CAD: variants seen among roughly 807,000 people sequenced by gnomAD.
The protein encoded by CAD is carbamoyl-phosphate synthetase 2, aspartate transcarbamylase, and dihydroorotase.
In CAD, 81 loss-of-function variants were observed where a neutral mutation model predicts 237.2. That is an observed-to-expected ratio of 0.34 (90% CI 0.29 to 0.41). The LOEUF is 0.41. Among genes scored for constraint, CAD ranks in the 10% least tolerant of loss-of-function variants. The pLI is 1.00. For missense variants in CAD, 2,181 were observed against 2,951.7 expected, an observed-to-expected ratio of 0.74 and a Z score of 6.05; for synonymous variants, 1,196 against 1,162.8, an observed-to-expected ratio of 1.03 and a Z score of -0.58.
At position 27,224,852 on chromosome 2, in the gene CAD, C is replaced by T. The variant is rs535714254; in HGVS notation, c.1362C>T (p.Pro454=). The T allele has an allele frequency of 1.9e-6, 3 of 1,614,184 alleles. No homozygotes were observed. The South Asian group carries it at 3.3e-5, about 18-fold the overall frequency. ...QGLADKVYFL[P]ITPHYVTQVI... ...TGGCCGACAAGGTCTATTTTCTTCCCATAACACCTCATTATGTAACCCAGG... is the reference window on the plus strand; with the variant it reads ...TGGCCGACAAGGTCTATTTTCTTCCTATAACACCTCATTATGTAACCCAGG... The change falls in exon 10 of 44, where the codon CCC becomes CCT. Residue 454 remains proline, a synonymous_variant. Coordinates refer to ENST00000264705, the MANE Select transcript of CAD (RefSeq NM_004341.5).
chr2:27,219,358 T>TTG (rs397822034), intron 2 of CAD, among the ~76,000 whole-genome samples: 5 of 152,080 alleles, frequency 3.3e-5, no homozygotes, highest in African/African-American at 1.2e-4. Flanking sequence ...GTTTTTTTTT[T>TTG]GGGGACAAGG....
rs762103667 is a variant in CAD at position 27,239,003 on chromosome 2, G to A, written c.5063-39G>A. On this transcript the variant is annotated intron_variant, in intron 31 of 43. Transcript: ENST00000264705. The surrounding 1 kb of genome is among the most constrained non-coding windows in gnomAD (Gnocchi z 4.0). Reference sequence around the variant, plus strand: ...GTGTGAGTGACTTCCTAGACATGGAGGTGATTGGTCCTGAGGGTAATGGCT... The same window carrying A: ...GTGTGAGTGACTTCCTAGACATGGAAGTGATTGGTCCTGAGGGTAATGGCT... 20 of 1,512,188 alleles carry A rather than the reference G, an allele frequency of 1.3e-5. No homozygotes were observed. The East Asian group carries it at 3.4e-4, about 26-fold the overall frequency. The allele number at this position is 1,512,188 out of a possible 1,614,324, so 93.7% of individuals were successfully genotyped here.
Position 27,234,820 on chromosome 2 carries a change from A to G in CAD, c.3786+135A>G, listed in dbSNP as rs545542006. 8.4e-6 allele frequency: 7 copies of G among 837,682 alleles called. No individual in the cohort carries two copies. In the East Asian group the frequency reaches 1.9e-4, roughly 22 times the overall value. The allele number at this position is 837,682 out of a possible 1,614,324, so 51.9% of individuals were successfully genotyped here. ...GGATCGTGGGGGTAATGAGGTGGTCATTGTCCCTTAAGAGCTTACTTTATG... is the reference window on the plus strand; with the variant it reads ...GGATCGTGGGGGTAATGAGGTGGTCGTTGTCCCTTAAGAGCTTACTTTATG... On this transcript the variant is annotated intron_variant, in intron 23 of 43. Coordinates refer to ENST00000264705, the MANE Select transcript of CAD (RefSeq NM_004341.5).
chr2:27,238,733 C>T, intron 31 of CAD, 101 bp downstream of exon 31: 2 of 1,132,534 alleles, frequency 1.8e-6, no homozygotes, highest in Non-Finnish European at 2.5e-6. Context: ...TCTACTAGGA[C>T]AGGGTCTTGA....
chr2:27,223,792 G>A (rs370365857), intron 7 of CAD, 44 bp downstream of exon 7: 55 of 1,603,156 alleles, frequency 3.4e-5, no homozygotes, highest in Non-Finnish European at 4.5e-5. Flanking sequence ...AAGCCCTGTG[G>A]GCCTTGATGA....
At chr2:27,221,116 A>G in intron 2 of CAD, 102 bp from the exon 3 acceptor site, 1 of 1,005,838 alleles carries the variant, frequency 9.9e-7, no homozygotes, top group Non-Finnish European at 1.4e-6. Flanking sequence ...ATTGAAGGCC[A>G]TTCAATGTGG....
chr2:27,227,948 A>G (rs1404513657), intron 15 of CAD, among the ~76,000 whole-genome samples: 3 of 152,236 alleles, frequency 2.0e-5, no homozygotes, highest in Admixed American at 2.0e-4. Flanking sequence ...GACTGCATAC[A>G]TTTCTAGGCA....
Position 27,233,999 on chromosome 2 carries a change from C to G in CAD, c.3400-9C>G. The stretch of plus-strand genomic sequence containing the variant: ...GCCCTATGTCCCACTGTCTGTGTCC[C>G]CCCGCTAGGAGATTGACGTGGATGC... On this transcript the variant is annotated splice_polypyrimidine_tract_variant and intron_variant, in intron 21 of 43. Transcript: ENST00000264705. The surrounding 1 kb of genome is among the most constrained non-coding windows in gnomAD (Gnocchi z 6.3). The G allele has an allele frequency of 6.2e-7, 1 of 1,612,386 alleles. No individual in the cohort carries two copies. Among genetic ancestry groups the G allele is most frequent in the East Asian group, 2.2e-5 (1 of 44,836 alleles).
rs147722428 is a variant in CAD, at chr2:27,226,272, G to T, written c.1984G>T (p.Val662Phe). 6.2e-7 allele frequency: 1 copy of T among 1,614,112 alleles called. No individual in the cohort carries two copies. Among genetic ancestry groups the T allele is most frequent in the Non-Finnish European group, 8.5e-7 (1 of 1,180,042 alleles). ...AIKVTQHLGIVGECNVQYALN... is the reference protein window; with the variant it reads ...AIKVTQHLGIFGECNVQYALN... ...CAAGGTGACCCAGCACCTGGGAATT[G>T]TTGGGGAGTGCAATGTGCAGTATGC... The change falls in exon 13 of 44, where the codon GTT becomes TTT. Residue 662 changes from valine to phenylalanine, a missense_variant. Physicochemically the swap from Val to Phe is conservative, Grantham distance 50. Coordinates refer to ENST00000264705, the MANE Select transcript of CAD (RefSeq NM_004341.5).
At position 27,217,402 on chromosome 2, in the gene CAD, C is replaced by A; in HGVS notation, c.-150C>A. 1 of 718,320 alleles carries A rather than the reference C, an allele frequency of 1.4e-6. No individual in the cohort carries two copies. Among genetic ancestry groups the A allele is most frequent in the Non-Finnish European group, 2.5e-6 (1 of 405,756 alleles). 44.5% of individuals were successfully genotyped at this position (718,320 alleles called of 1,614,324 possible). The stretch of plus-strand genomic sequence containing the variant: ...CTGCTGCCGCCAAGCGCGCCCGAGG[C>A]TCCTACGCTGCCGCGCCCGGCTTCT... On this transcript the variant is annotated 5_prime_UTR_variant, in exon 1 of 44. Coordinates refer to ENST00000264705, the MANE Select transcript of CAD (RefSeq NM_004341.5).
chr2:27,226,923 C>T lies in CAD; in HGVS notation c.2248C>T (p.Arg750Ter), dbSNP rs1241373335. 6.2e-7 allele frequency: 1 copy of T among 1,613,926 alleles called. No individual in the cohort carries two copies. The highest frequency in any genetic ancestry group is 8.5e-7 in the Non-Finnish European group (1 of 1,179,928). The change falls in exon 15 of 44, where the codon CGA (arginine) becomes TGA (stop). Residue 750 changes from arginine (R) to a stop codon, truncating the protein, a stop_gained. Transcript: ENST00000264705. LOFTEE classifies it high-confidence loss of function. Reference protein sequence around the residue: ...IPRWDLSKFLRVSTKIGSCMK... With the variant: ...IPRWDLSKFL ...TCGATGGGACCTTAGCAAGTTCCTG[C>T]GAGTCAGCACAAAGATTGGGAGCTG...
At chr2:27,234,382 C>T in intron 22 of CAD, 136 bp from the exon 23 acceptor site, 1 of 1,122,670 alleles carries the variant, frequency 8.9e-7, no homozygotes, top group Admixed American at 1.8e-5. Context: ...GGTGTTGGGG[C>T]TTATGACAGT....
Position 27,224,342 on chromosome 2 carries a change from C to T in CAD, c.1109-3C>T. On this transcript the variant is annotated splice_polypyrimidine_tract_variant and splice_region_variant and intron_variant, in intron 8 of 43. Coordinates refer to ENST00000264705, the MANE Select transcript of CAD (RefSeq NM_004341.5). ...CATTCTACGACCTTCTTTGCTTCCA[C>T]AGTTAGAGAGCGGCTGACTGAGCGC... The T allele has an allele frequency of 6.2e-7, 1 of 1,614,168 alleles. No homozygotes were observed. Among genetic ancestry groups the T allele is most frequent in the Non-Finnish European group, 8.5e-7 (1 of 1,180,000 alleles).
chr2:27,221,753 ATTT>A (rs57429918), intron 3 of CAD, among the ~76,000 whole-genome samples: 89 of 103,508 alleles, frequency 8.6e-4, no homozygotes, highest in African/African-American at 3.4e-3. Context: ...AAATTTCCCA[ATTT>A]TTTTTTTTTT....
rs754840084 is a variant in CAD at position 27,225,216 on chromosome 2, G to A, written c.1593G>A (p.Pro531=). 22 of 1,613,480 alleles carry A rather than the reference G, an allele frequency of 1.4e-5. No individual in the cohort carries two copies. Among genetic ancestry groups the A allele is most frequent in the African/African-American group, 2.7e-5 (2 of 74,874 alleles). Residue 531 remains proline (P), a synonymous_variant, in exon 11 of 44, where the codon CCG becomes CCA. Coordinates refer to ENST00000264705, the MANE Select transcript of CAD (RefSeq NM_004341.5). ...CAGAGATCGGAGAGCATGTGGCCCC[G>A]AGCGAGGCAGCAAATTCTCTTGAAC... ...RMAEIGEHVA[P]SEAANSLEQA... is the part of the protein sequence containing the mutation.
At chr2:27,231,761 G>C (rs752850740) in intron 16 of CAD, among the ~76,000 whole-genome samples, 181 bp downstream of exon 16, 4 of 152,200 alleles carry the variant, frequency 2.6e-5, no homozygotes, top group Non-Finnish European at 5.9e-5. Flanking sequence ...TACTAGACTT[G>C]TTTTTACAGA....
Position 27,240,506 on chromosome 2 carries a change from G to T in CAD, c.5593+145G>T. The T allele has an allele frequency of 1.3e-6, 2 of 1,526,654 alleles. No homozygotes were observed. The highest frequency in any genetic ancestry group is 2.4e-5 in the South Asian group (2 of 84,510). The allele number at this position is 1,526,654 out of a possible 1,614,324, so 94.6% of individuals were successfully genotyped here. A position where few individuals can be genotyped will look rare whatever the true frequency, so the allele number is the denominator to read the frequency against. ...GCCGTGCCATCCTTTGCCTAAACAA[G>T]TCTCCCCGGTGTGAGTAGACATCTC... On this transcript the variant is annotated intron_variant, in intron 35 of 43. Transcript: ENST00000264705. This position sits in a 1 kb window ranked among gnomAD's most constrained non-coding sequence, Gnocchi z 4.6.
At chr2:27,231,627 T>G (rs1015260665) in intron 16 of CAD, 47 bp downstream of exon 16, 1 of 1,141,458 alleles carries the variant, frequency 8.8e-7, no homozygotes, top group African/African-American at 1.5e-5. Context: ...TAGACCCTGC[T>G]TCTCATCGCC....
At chr2:27,220,758 A>C (rs1675119735) in intron 2 of CAD, among the ~76,000 whole-genome samples, 1 of 152,006 alleles carries the variant, frequency 6.6e-6, no homozygotes, top group Non-Finnish European at 1.5e-5. Flanking sequence ...GAGATCTGAG[A>C]CCATCCTGGC....
Sources: allele counts gnomAD v4.1 joint callset (sites outside exome capture counted in the v4.1 genomes callset), GRCh38; gene constraint gnomAD v4.1.1; non-coding constraint Gnocchi (gnomAD v3.1); transcripts MANE v1.5; gene names NCBI Gene and HGNC (gene_info 2026-07-23, HGNC 2026-07-21).